TXLNB: variants seen among roughly 807,000 people sequenced by gnomAD.
The protein encoded by TXLNB is taxilin beta.
TXLNB carries 37 observed loss-of-function variants against 57.4 expected under a neutral mutation model. That is an observed-to-expected ratio of 0.64 (90% CI 0.50 to 0.85). The LOEUF is 0.85. Among genes scored for constraint, TXLNB ranks in the 40% least tolerant of loss-of-function variants. The probability of loss-of-function intolerance (pLI) is 0.00; values close to 1 mark genes in which losing one functional copy is unlikely to be tolerated. For missense variants in TXLNB, 848 were observed against 825.6 expected, an observed-to-expected ratio of 1.03 and a Z score of -0.33; for synonymous variants, 302 against 309.6, an observed-to-expected ratio of 0.98 and a Z score of 0.26.
In TXLNB at chr6:139,288,754, G is replaced by A. The variant is rs1172770163; in HGVS notation, c.146C>T (p.Ala49Val). 2 of 1,614,212 alleles carry A rather than the reference G, an allele frequency of 1.2e-6. No homozygotes were observed. The highest frequency in any genetic ancestry group is 1.7e-6 in the Non-Finnish European group (2 of 1,180,042). The change falls in exon 2 of 10, where the codon GCA (alanine) becomes GTA (valine). Residue 49 changes from alanine to valine, a missense_variant. By Grantham distance (64) the Ala-to-Val change is moderately conservative (BLOSUM62 0). Coordinates refer to ENST00000358430, the MANE Select transcript of TXLNB (RefSeq NM_153235.4). ...TTCAGAGATATCGGGGTGCACACTT[G>A]CCTCTTTCTCTGGTGGTTGGACTGG... is the stretch of plus-strand genomic sequence containing the variant. ...PTPVQPPEKEASVHPDISEEL... is the reference protein window; with the variant it reads ...PTPVQPPEKEVSVHPDISEEL...
intron 3 of TXLNB, among the ~76,000 whole-genome samples, chr6:139,273,925 C>T (rs1367273843): frequency 2.0e-5 from 3 of 152,202 alleles, no homozygotes; most frequent in Admixed American, 6.5e-5. Context: ...TGCCTAGCTT[C>T]AATCAAATGC....
chr6:139,230,804 G>C, the TXLNB span, among the ~76,000 whole-genome samples: 1 of 152,210 alleles, frequency 6.6e-6, no homozygotes, highest in Non-Finnish European at 1.5e-5. Context: ...GTAAGCAAAA[G>C]AGGATTAGTT....
At chr6:139,298,947 A>G in the TXLNB span, among the ~76,000 whole-genome samples, 43 of 152,288 alleles carry the variant, frequency 2.8e-4, no homozygotes, top group Non-Finnish European at 1.9e-4. Context: ...CCCTCTTGCC[A>G]TGTGATGCCT....
At chr6:139,322,152 AT>A in the TXLNB span, among the ~76,000 whole-genome samples, 6 of 152,108 alleles carry the variant, frequency 3.9e-5, no homozygotes, top group African/African-American at 1.4e-4. Flanking sequence ...GCCTATTGAC[AT>A]CTCTGCTTCG....
At chr6:139,193,859 T>TTTTGG in the TXLNB span, among the ~76,000 whole-genome samples, 1 of 106,488 alleles carries the variant, frequency 9.4e-6, no homozygotes, top group East Asian at 2.2e-4. Flanking sequence ...TTTTTTTTTT[T>TTTTGG]GAGACGGAGT....
At chr6:139,167,035 G>C in the TXLNB span, 4 of 1,614,224 alleles carry the variant, frequency 2.5e-6, no homozygotes, top group Non-Finnish European at 3.4e-6. Flanking sequence ...ACACCCCCGT[G>C]CAGTTCCTTC....
the TXLNB span, among the ~76,000 whole-genome samples, chr6:139,311,361 T>C: frequency 6.6e-6 from 1 of 152,162 alleles, no homozygotes; most frequent in Non-Finnish European, 1.5e-5. Flanking sequence ...ATGGATAACT[T>C]AGTTATACAA....
At chr6:139,300,892 C>T in the TXLNB span, among the ~76,000 whole-genome samples, 2 of 151,648 alleles carry the variant, frequency 1.3e-5, no homozygotes, top group Admixed American at 6.6e-5. Flanking sequence ...GAGACTCCAT[C>T]TCAAAAAAAA....
chr6:139,172,116 C>T, the TXLNB span, among the ~76,000 whole-genome samples: 5 of 152,262 alleles, frequency 3.3e-5, no homozygotes, highest in African/African-American at 9.6e-5. Flanking sequence ...TAGGCGTGAG[C>T]CACTGCGCCC....
At chr6:139,165,026 GCAA>G in the TXLNB span, among the ~76,000 whole-genome samples, 2 of 152,256 alleles carry the variant, frequency 1.3e-5, no homozygotes, top group African/African-American at 4.8e-5. Flanking sequence ...AAGAACAGCA[GCAA>G]CAACATTAAT....
intron 2 of TXLNB, chr6:139,286,837 AC>A (rs1479537343): frequency 1.1e-5 from 2 of 181,196 alleles, no homozygotes; most frequent in South Asian, 1.6e-4. Context: ...GTCTCCTGTC[AC>A]CCCCAGATGG....
At chr6:139,238,269 C>T (rs1775858535), downstream of TXLNB, among the ~76,000 whole-genome samples, 2 of 152,276 alleles carry the variant, frequency 1.3e-5, no homozygotes, top group South Asian at 4.1e-4. Flanking sequence ...TGGCAGGTGC[C>T]TGTAATCCCA....
chr6:139,231,868 G>A, the TXLNB span, among the ~76,000 whole-genome samples: 1 of 152,270 alleles, frequency 6.6e-6, no homozygotes, highest in Admixed American at 6.5e-5. Context: ...TACTATCCTT[G>A]ATTAAACTTG....
chr6:139,295,545 G>C (rs1777373381), upstream of TXLNB, among the ~76,000 whole-genome samples: 1 of 151,450 alleles, frequency 6.6e-6, no homozygotes, highest in Non-Finnish European at 1.5e-5. Flanking sequence ...ATGCTTTCTA[G>C]AGGTAATAAC....
At chr6:139,228,724 G>A in the TXLNB span, among the ~76,000 whole-genome samples, 1 of 152,076 alleles carries the variant, frequency 6.6e-6, no homozygotes, top group Non-Finnish European at 1.5e-5. Context: ...AGGTTAGACT[G>A]GACCCCACTT....
chr6:139,185,163 G>A, the TXLNB span, among the ~76,000 whole-genome samples: 1 of 152,164 alleles, frequency 6.6e-6, no homozygotes, highest in South Asian at 2.1e-4. Context: ...GTGGGATAGT[G>A]GGAGTCCTGG....
the TXLNB span, among the ~76,000 whole-genome samples, chr6:139,165,802 AGTGTGGGACAT>A: frequency 1.4e-5 from 1 of 71,272 alleles, no homozygotes; most frequent in Non-Finnish European, 2.7e-5. Context: ...CTGTTTGCAC[AGTGTGGGACAT>A]GTGTGGGACA....
chr6:139,218,917 T>C, the TXLNB span, among the ~76,000 whole-genome samples: 8 of 152,214 alleles, frequency 5.3e-5, no homozygotes, highest in African/African-American at 1.9e-4. Context: ...CCTGGAGATA[T>C]ACTCTCTGTG....
At chr6:139,189,697 CTT>C in the TXLNB span, among the ~76,000 whole-genome samples, 71 of 152,238 alleles carry the variant, frequency 4.7e-4, no homozygotes, top group Middle Eastern at 6.8e-3. Context: ...ACAATATTGT[CTT>C]TGCAGCTGTG....
Sources: allele counts gnomAD v4.1 joint callset (sites outside exome capture counted in the v4.1 genomes callset), GRCh38; gene constraint gnomAD v4.1.1; transcripts MANE v1.5; gene names NCBI Gene and HGNC (gene_info 2026-07-23, HGNC 2026-07-21).